Variants in GDPD4 observed in about 807,000 individuals in gnomAD.
The protein encoded by GDPD4 is glycerophosphodiester phosphodiesterase domain containing 4, also known as glycerophosphodiester phosphodiesterase 6.
Under a neutral mutation model 67.8 loss-of-function variants are expected in GDPD4, and 60 were observed. That is an observed-to-expected ratio of 0.88 (90% CI 0.72 to 1.10). GDPD4 has a LOEUF of 1.10. GDPD4 is among the 50% of genes least tolerant of loss of function. GDPD4 has a pLI of 0.00. For synonymous variants in GDPD4, 212 were observed against 210.9 expected, an observed-to-expected ratio of 1.00 and a Z score of -0.04; for missense variants, 623 against 613.9, an observed-to-expected ratio of 1.01 and a Z score of -0.16.
chr11:77,264,925 T>C (rs1959171362), intron 10 of GDPD4, among the ~76,000 whole-genome samples: 1 of 152,146 alleles, frequency 6.6e-6, no homozygotes, highest in African/African-American at 2.4e-5. Context: ...AATTTATATT[T>C]ATAAAGGAAA....
intron 8 of GDPD4, among the ~76,000 whole-genome samples, chr11:77,269,477 T>C (rs1465429186): frequency 6.6e-6 from 1 of 152,114 alleles, no homozygotes; most frequent in African/African-American, 2.4e-5. Context: ...GGCAGTACAG[T>C]ATAGTGGAAA....
chr11:77,225,289 A>AGACTC (rs1428889751), intron 16 of GDPD4, among the ~76,000 whole-genome samples: 29 of 148,790 alleles, frequency 1.9e-4, no homozygotes, highest in African/African-American at 6.2e-4. Context: ...CAACAGAGCA[A>AGACTC]GACTCTGTCT....
At chr11:77,255,345 T>C (rs1320226407) in intron 11 of GDPD4, among the ~76,000 whole-genome samples, 1 of 152,088 alleles carries the variant, frequency 6.6e-6, no homozygotes, top group Non-Finnish European at 1.5e-5. Flanking sequence ...GGCAGGTGGA[T>C]CACCTGAGGT....
chr11:77,226,328 C>T (rs949980195), intron 16 of GDPD4, among the ~76,000 whole-genome samples: 4 of 152,052 alleles, frequency 2.6e-5, no homozygotes, highest in Non-Finnish European at 5.9e-5. Context: ...TATTTGGAGA[C>T]AGGGCACTTC....
chr11:77,300,738 A>G (rs2602484), intron 1 of GDPD4, among the ~76,000 whole-genome samples: 11,653 of 152,266 alleles, frequency 0.077, 738 homozygotes, highest in East Asian at 0.24. Context: ...ACTACAGTGC[A>G]ATTTAACTGG....
At chr11:77,234,893 T>A (rs1958521160) in intron 13 of GDPD4, among the ~76,000 whole-genome samples, 1 of 152,180 alleles carries the variant, frequency 6.6e-6, no homozygotes, top group Admixed American at 6.5e-5. Context: ...AAATGGTAGT[T>A]ACATTTTTAG....
At chr11:77,270,850 C>G (rs1297612678) in intron 7 of GDPD4, 1 of 334,480 alleles carries the variant, frequency 3.0e-6, no homozygotes, top group Non-Finnish European at 5.4e-6. Flanking sequence ...CATCTTCAGA[C>G]AGTCAATGTA....
At chr11:77,263,202 A>G (rs1196345766) in intron 10 of GDPD4, among the ~76,000 whole-genome samples, 1 of 152,224 alleles carries the variant, frequency 6.6e-6, no homozygotes, top group Non-Finnish European at 1.5e-5. Context: ...GCCAGAAATG[A>G]TAAATACGTG....
At chr11:77,280,073 G>C (rs577334850) in intron 3 of GDPD4, among the ~76,000 whole-genome samples, 3 of 152,190 alleles carry the variant, frequency 2.0e-5, no homozygotes, top group African/African-American at 7.2e-5. Flanking sequence ...AAATTCTCTT[G>C]GACAAGAGCT....
rs549484177 is a variant in GDPD4 at position 77,258,734 on chromosome 11, A to G, written c.708-192T>C. Among the ~76,000 whole-genome samples the G allele has an allele frequency of 1.1e-3, 168 of 152,330 alleles. 1 individual carries two copies. The South Asian group carries it at 0.034, about 31-fold the overall frequency. On this transcript the variant is annotated intron_variant, in intron 10 of 16. Coordinates refer to ENST00000315938, the MANE Select transcript of GDPD4 (RefSeq NM_182833.3). ...TCAATATTTTTCTGCTCTAGGGATC[A>G]ATCTTTCATGATATATAATCACATT...
At chr11:77,234,864 G>C (rs1019389098) in intron 13 of GDPD4, among the ~76,000 whole-genome samples, 1 of 152,140 alleles carries the variant, frequency 6.6e-6, no homozygotes, top group Non-Finnish European at 1.5e-5. Flanking sequence ...TAGATGCCCA[G>C]TAATGGGATT....
intron 13 of GDPD4, among the ~76,000 whole-genome samples, chr11:77,243,324 G>A (rs939179117): frequency 6.6e-6 from 1 of 152,182 alleles, no homozygotes; most frequent in African/African-American, 2.4e-5. Flanking sequence ...ACAAGGTACT[G>A]CCATCCATCT....
At chr11:77,253,910 C>T (rs1456038292) in intron 11 of GDPD4, among the ~76,000 whole-genome samples, 1 of 152,086 alleles carries the variant, frequency 6.6e-6, no homozygotes, top group Non-Finnish European at 1.5e-5. Flanking sequence ...CCCAAGGGTA[C>T]AGGGGGAGGG....
At chr11:77,255,756 G>A (rs913351921) in intron 11 of GDPD4, among the ~76,000 whole-genome samples, 4 of 152,022 alleles carry the variant, frequency 2.6e-5, no homozygotes, top group Admixed American at 2.6e-4. Context: ...AATTACTCGA[G>A]AGGCTGAGGC....
intron 16 of GDPD4, among the ~76,000 whole-genome samples, chr11:77,222,704 G>A (rs1413378477): frequency 6.6e-6 from 1 of 152,234 alleles, no homozygotes; most frequent in Non-Finnish European, 1.5e-5. Context: ...TGACAATTAT[G>A]TGTCCTGGGG....
intron 16 of GDPD4, among the ~76,000 whole-genome samples, chr11:77,217,602 G>A (rs1311214865): frequency 6.6e-6 from 1 of 152,174 alleles, no homozygotes; most frequent in Non-Finnish European, 1.5e-5. Context: ...GTATTCCATA[G>A]CCATTAAATT....
At chr11:77,251,855 C>T (rs1358995603) in intron 11 of GDPD4, among the ~76,000 whole-genome samples, 1 of 152,048 alleles carries the variant, frequency 6.6e-6, no homozygotes, top group East Asian at 1.9e-4. Flanking sequence ...TTAATAGTGT[C>T]CTTTATTGTA....
intron 1 of GDPD4, among the ~76,000 whole-genome samples, chr11:77,298,456 G>A (rs544123360): frequency 6.6e-6 from 1 of 152,288 alleles, no homozygotes; most frequent in Admixed American, 6.5e-5. Context: ...AGATTGCAGT[G>A]AGCAGAGATG....
At chr11:77,294,297 T>C (rs1033497413) in intron 1 of GDPD4, among the ~76,000 whole-genome samples, 3 of 152,230 alleles carry the variant, frequency 2.0e-5, no homozygotes, top group Non-Finnish European at 4.4e-5. Context: ...GTCTGTACTA[T>C]CTTTGTAACT....
Sources: allele counts gnomAD v4.1 joint callset (sites outside exome capture counted in the v4.1 genomes callset), GRCh38; gene constraint gnomAD v4.1.1; transcripts MANE v1.5; gene names NCBI Gene and HGNC (gene_info 2026-07-23, HGNC 2026-07-21).